The following PTPRM variants were observed in gnomAD, a reference collection of about 807,000 sequenced individuals.
The protein encoded by PTPRM is protein tyrosine phosphatase receptor type M.
PTPRM carries 47 observed loss-of-function variants against 186.7 expected under a neutral mutation model. That is an observed-to-expected ratio of 0.25 (90% CI 0.20 to 0.32). The LOEUF (loss-of-function observed/expected upper bound fraction) is 0.32, where lower values mean the gene tolerates loss of function less well. Among genes scored for constraint, PTPRM ranks in the 10% least tolerant of loss-of-function variants. The probability of loss-of-function intolerance (pLI) is 1.00; values close to 1 mark genes in which losing one functional copy is unlikely to be tolerated. For synonymous variants in PTPRM, 668 were observed against 674.9 expected (o/e 0.99, Z 0.16); for missense variants, 1,494 against 1,865.0 (o/e 0.80, Z 3.66).
intron 22 of PTPRM, among the ~76,000 whole-genome samples, chr18:8,335,491 T>C (rs1428080053): frequency 6.6e-6 from 1 of 152,218 alleles, no homozygotes; most frequent in Non-Finnish European, 1.5e-5. Context: ...TATCGAAAAC[T>C]TTCATCACAT....
rs762897840 is a variant in PTPRM at position 7,906,546 on chromosome 18, C to T, written c.510C>T (p.Leu170=). 24 of 1,613,522 alleles carry T rather than the reference C, an allele frequency of 1.5e-5. 1 individual carries two copies. Among genetic ancestry groups the T allele is most frequent in the Middle Eastern group, 1.7e-4 (1 of 6,058 alleles). The change falls in exon 4 of 33, where the codon CTC becomes CTT. Residue 170 remains leucine, a synonymous_variant. Coordinates refer to ENST00000580170, the MANE Select transcript of PTPRM (RefSeq NM_001105244.2). The part of the protein sequence containing the change: ...EVITSGHQGY[L]AIDEVKVLGH... ...TAACTTCTGGACATCAAGGCTATCT[C>T]GCTATCGATGAGGTGAAGGTGTTAG...
chr18:7,767,332 T>C (rs560041531), intron 1 of PTPRM, among the ~76,000 whole-genome samples: 1 of 152,332 alleles, frequency 6.6e-6, no homozygotes, highest in East Asian at 1.9e-4. Context: ...GTTTTTAAAG[T>C]GTACAGATGA....
At chr18:8,010,539 G>GA (rs2084463071) in intron 7 of PTPRM, among the ~76,000 whole-genome samples, 1 of 152,184 alleles carries the variant, frequency 6.6e-6, no homozygotes, top group Non-Finnish European at 1.5e-5. Context: ...TCACCATGTT[G>GA]AAAACAGCAA....
At chr18:8,386,634 A>G (rs1048447919) in intron 30 of PTPRM, among the ~76,000 whole-genome samples, 4 of 152,242 alleles carry the variant, frequency 2.6e-5, no homozygotes, top group Non-Finnish European at 5.9e-5. Flanking sequence ...GCAAGATTCA[A>G]CATCAATAAG....
chr18:7,983,011 C>T (rs986747746), intron 7 of PTPRM, among the ~76,000 whole-genome samples: 2 of 152,096 alleles, frequency 1.3e-5, no homozygotes, highest in Non-Finnish European at 2.9e-5. Flanking sequence ...ATTCTCTTCC[C>T]TATTTCCATG....
intron 22 of PTPRM, among the ~76,000 whole-genome samples, chr18:8,337,255 T>C (rs59726215): frequency 0.073 from 11,076 of 152,212 alleles, 431 homozygotes; most frequent in South Asian, 0.1. Context: ...GGTCTCAAAC[T>C]CCTGGGCTCA....
At chr18:7,880,371 G>C (rs1482716983) in intron 2 of PTPRM, among the ~76,000 whole-genome samples, 1 of 152,202 alleles carries the variant, frequency 6.6e-6, no homozygotes, top group Non-Finnish European at 1.5e-5. Context: ...TTTTTCAGTA[G>C]TTGTTGGGAA....
intron 2 of PTPRM, among the ~76,000 whole-genome samples, chr18:7,829,258 T>G (rs1371180840): frequency 1.3e-5 from 2 of 152,174 alleles, no homozygotes. Context: ...GTGCACAATA[T>G]TTTCAGGAAA....
intron 11 of PTPRM, among the ~76,000 whole-genome samples, chr18:8,095,424 C>T (rs1402212513): frequency 5.3e-5 from 8 of 151,886 alleles, no homozygotes; most frequent in Admixed American, 5.3e-4. Context: ...TGAGTTTGGC[C>T]TGATCTGAGA....
intron 7 of PTPRM, among the ~76,000 whole-genome samples, chr18:7,994,491 T>C (rs2083433167): frequency 6.6e-6 from 1 of 152,154 alleles, no homozygotes; most frequent in African/African-American, 2.4e-5. Flanking sequence ...TAGCAGACGT[T>C]ACAGAACCTT....
At chr18:8,025,154 A>G (rs971505208) in intron 7 of PTPRM, among the ~76,000 whole-genome samples, 1 of 152,152 alleles carries the variant, frequency 6.6e-6, no homozygotes, top group Non-Finnish European at 1.5e-5. Context: ...ATTTTTTTAG[A>G]TGAAAGTTTG....
At chr18:8,096,515 A>G (rs1277421301) in intron 11 of PTPRM, among the ~76,000 whole-genome samples, 2 of 152,208 alleles carry the variant, frequency 1.3e-5, no homozygotes, top group Non-Finnish European at 2.9e-5. Flanking sequence ...AGAGAAAGTT[A>G]CATGCTGTTT....
At chr18:8,094,366 CA>C (rs974252140) in intron 11 of PTPRM, among the ~76,000 whole-genome samples, 216 of 133,246 alleles carry the variant, frequency 1.6e-3, no homozygotes, top group Middle Eastern at 3.8e-3. Context: ...GACCCTGTCT[CA>C]AAAAAAAAAA....
At chr18:8,116,648 T>C (rs2091968573) in intron 13 of PTPRM, among the ~76,000 whole-genome samples, 1 of 152,208 alleles carries the variant, frequency 6.6e-6, no homozygotes, top group Non-Finnish European at 1.5e-5. Flanking sequence ...ATCATGCTCA[T>C]TTACATAGTT....
intron 1 of PTPRM, among the ~76,000 whole-genome samples, chr18:7,734,982 A>G (rs1326180158): frequency 6.6e-6 from 1 of 152,200 alleles, no homozygotes; most frequent in East Asian, 1.9e-4. Flanking sequence ...AACCAACTGA[A>G]TGGATCCCCC....
At chr18:7,875,295 G>GT (rs1429545882) in intron 2 of PTPRM, among the ~76,000 whole-genome samples, 8 of 151,752 alleles carry the variant, frequency 5.3e-5, no homozygotes, top group African/African-American at 1.9e-4. Flanking sequence ...GATACTATGC[G>GT]TATCAGTGAA....
At position 8,114,821 on chromosome 18, in the gene PTPRM, A is replaced by G; in HGVS notation, c.2161A>G (p.Thr721Ala). 2 of 1,611,082 alleles carry G rather than the reference A, an allele frequency of 1.2e-6. No individual in the cohort carries two copies. The highest frequency in any genetic ancestry group is 1.7e-6 in the Non-Finnish European group (2 of 1,178,476). ...CAAAATAGACTGTGTCCAAGTGGCC[A>G]CAAAAGGTAGGTTGAAATTGTGGGA... is the stretch of plus-strand genomic sequence containing the variant. ...ETKIDCVQVA[T>A]KGAATPKPVP... Residue 721 changes from threonine to alanine, a missense_variant, in exon 13 of 33, where the codon ACA becomes GCA. Physicochemically the swap from Thr to Ala is moderately conservative, Grantham distance 58 (BLOSUM62 0). This residue lies in a region of PTPRM where 1,107 missense variants were observed against 1,350.2 expected (regional missense o/e 0.82). Transcript: ENST00000580170.
Position 7,931,649 on chromosome 18 carries a change from C to T in PTPRM, c.663+4966C>T, listed in dbSNP as rs918568834. Among the ~76,000 whole-genome samples the T allele has an allele frequency of 3.3e-5, 5 of 151,986 alleles. No homozygotes were observed. In the East Asian group the frequency reaches 5.8e-4, roughly 18 times the overall value. The stretch of plus-strand genomic sequence containing the variant: ...CCGGAAGGCGGAGGTTGCAGTGAGC[C>T]GAGGTCGTGCCACTGCACTCCGTCT... On this transcript the variant is annotated intron_variant, in intron 5 of 32. Coordinates refer to ENST00000580170, the MANE Select transcript of PTPRM (RefSeq NM_001105244.2).
intron 1 of PTPRM, among the ~76,000 whole-genome samples, chr18:7,700,993 A>AAAAAAAAAAAAAAAAG (rs10653685): frequency 1.9e-5 from 2 of 107,322 alleles, no homozygotes; most frequent in African/African-American, 7.8e-5. Flanking sequence ...AAAAAAAAAA[A>AAAAAAAAAAAAAAAAG]AAAGAAAGAA....
Sources: allele counts gnomAD v4.1 joint callset (sites outside exome capture counted in the v4.1 genomes callset), GRCh38; gene constraint gnomAD v4.1.1; regional missense constraint gnomAD v4.1.1; transcripts MANE v1.5; gene names NCBI Gene and HGNC (gene_info 2026-07-23, HGNC 2026-07-21).